Variants in EVC observed in about 807,000 individuals in gnomAD.
EVC encodes evC complex member EVC.
Under a neutral mutation model 118.9 loss-of-function variants are expected in EVC, and 116 were observed. The observed-to-expected ratio is 0.98, with a 90% CI of 0.84 to 1.14. The LOEUF (loss-of-function observed/expected upper bound fraction) is 1.14, where lower values mean the gene tolerates loss of function less well. EVC is among the 50% of genes most tolerant of loss of function. The pLI is 0.00. For synonymous variants in EVC, 619 were observed against 534.7 expected (o/e 1.16, Z -2.18); for missense variants, 1,401 against 1,246.4 (o/e 1.12, Z -1.87).
At chr4:5,712,621 CAG>C (rs1487356947) in intron 1 of EVC, among the ~76,000 whole-genome samples, 1 of 152,190 alleles carries the variant, frequency 6.6e-6, no homozygotes, top group African/African-American at 2.4e-5. Context: ...GAAGATGAGA[CAG>C]ATCTTGTGCG....
chr4:5,766,692 G>A (rs1188247789), intron 11 of EVC, among the ~76,000 whole-genome samples: 5 of 133,808 alleles, frequency 3.7e-5, no homozygotes, highest in East Asian at 2.2e-4. Flanking sequence ...CCAGTTGATC[G>A]CATCGGCTCC....
chr4:5,767,480 CG>C (rs1733099032), intron 11 of EVC, among the ~76,000 whole-genome samples: 1 of 150,888 alleles, frequency 6.6e-6, no homozygotes, highest in Non-Finnish European at 1.5e-5. Flanking sequence ...TGGGCAATGG[CG>C]GGCGCCTCTC....
the EVC span, among the ~76,000 whole-genome samples, chr4:5,828,950 A>G: frequency 2.1e-3 from 315 of 152,296 alleles, 1 homozygote; most frequent in African/African-American, 7.3e-3. Flanking sequence ...GGGTTATGCA[A>G]TGTGGCTGCT....
intron 2 of EVC, among the ~76,000 whole-genome samples, chr4:5,725,347 A>ACACTTTTAAACTTTT (rs1560284235): frequency 6.6e-6 from 1 of 152,202 alleles, no homozygotes. Context: ...CCAACAGTGT[A>ACACTTTTAAACTTTT]AAAGTTTTCC....
At chr4:5,735,648 C>T (rs931325757) in intron 5 of EVC, among the ~76,000 whole-genome samples, 5 of 152,154 alleles carry the variant, frequency 3.3e-5, no homozygotes, top group Non-Finnish European at 5.9e-5. Flanking sequence ...TTACATGCCA[C>T]TTCACTAACG....
At chr4:5,711,735 G>A (rs895204423) in intron 1 of EVC, among the ~76,000 whole-genome samples, 181 bp downstream of exon 1, 7 of 152,234 alleles carry the variant, frequency 4.6e-5, no homozygotes, top group African/African-American at 1.7e-4. Context: ...TGACTAAAGG[G>A]CATTGGCCTG....
chr4:5,802,865 CAGTA>C (rs1426582299), intron 16 of EVC, among the ~76,000 whole-genome samples: 1 of 152,136 alleles, frequency 6.6e-6, no homozygotes, highest in Non-Finnish European at 1.5e-5. Context: ...GGCCAGGGAC[CAGTA>C]CTAGTCTGTG....
At chr4:5,748,607 TCCATCCACCCAC>T (rs1729793386) in intron 8 of EVC, among the ~76,000 whole-genome samples, 1 of 124,428 alleles carries the variant, frequency 8.0e-6, no homozygotes, top group Non-Finnish European at 1.7e-5. Flanking sequence ...CATCCACCCA[TCCATCCACCCAC>T]CCATCCATCC....
At chr4:5,822,044 T>G in the EVC span, among the ~76,000 whole-genome samples, 2 of 143,238 alleles carry the variant, frequency 1.4e-5, no homozygotes, top group Non-Finnish European at 3.0e-5. Context: ...CCTCAGTCCC[T>G]GGGCTCCCCC....
rs1374820646 is a variant in EVC, at chr4:5,754,662, G to A, written c.1464+729G>A. Among the ~76,000 whole-genome samples, 2 of 152,092 alleles carry A rather than the reference G, an allele frequency of 1.3e-5. No homozygotes were observed. Among genetic ancestry groups the A allele is most frequent in the South Asian group, 2.1e-4 (1 of 4,810 alleles). On this transcript the variant is annotated intron_variant, in intron 10 of 20. Transcript: ENST00000264956. This position sits in a 1 kb window ranked among gnomAD's most constrained non-coding sequence, Gnocchi z 5.8. ...CTTGCAGGCTGGTTAAGCATTGGGC[G>A]CTGAGGCCAGCCACACTTGGGTTTG...
rs1288403192 is a variant in EVC at position 5,811,474 on chromosome 4, T to C, written c.*437T>C. 1 of 232,130 alleles carries C rather than the reference T, an allele frequency of 4.3e-6. No individual in the cohort carries two copies. The highest frequency in any genetic ancestry group is 1.1e-4 in the East Asian group (1 of 8,972). The allele number at this position is 232,130 out of a possible 1,614,324, so 14.4% of individuals were successfully genotyped here. On this transcript the variant is annotated 3_prime_UTR_variant, in exon 21 of 21. Coordinates refer to ENST00000264956, the MANE Select transcript of EVC (RefSeq NM_153717.3). ...ATGTATTCTCTGAGGACACTTAGAA[T>C]ATGAGGAAGAGGGTGTGGCCCAACC...
chr4:5,801,666 C>G, intron 15 of EVC: 1 of 356,752 alleles, frequency 2.8e-6, no homozygotes, highest in South Asian at 2.5e-5. Context: ...AGTGAGTCTC[C>G]ATCTCAAAAA....
chr4:5,816,366 C>T (rs909308755), downstream of EVC, among the ~76,000 whole-genome samples: 1 of 152,184 alleles, frequency 6.6e-6, no homozygotes, highest in Non-Finnish European at 1.5e-5. Flanking sequence ...AGAAATCCTT[C>T]CCTGCGTGAG....
rs953506591 is a variant in EVC at position 5,711,641 on chromosome 4, G to A, written c.174+87G>A. On this transcript the variant is annotated intron_variant, in intron 1 of 20. Coordinates refer to ENST00000264956, the MANE Select transcript of EVC (RefSeq NM_153717.3). ...TGCGGGCCCGGAGCCCCGGCTCTGCGACTCCTTGAGCCTGGTTGGGAACTT... is the reference window on the plus strand; with the variant it reads ...TGCGGGCCCGGAGCCCCGGCTCTGCAACTCCTTGAGCCTGGTTGGGAACTT... 150 of 1,017,018 alleles carry A rather than the reference G, an allele frequency of 1.5e-4. 1 individual carries two copies. Among genetic ancestry groups the A allele is most frequent in the Non-Finnish European group, 1.7e-4 (145 of 836,156 alleles). The allele number at this position is 1,017,018 out of a possible 1,614,324, so 63.0% of individuals were successfully genotyped here.
At chr4:5,787,848 G>A (rs1711995072) in intron 12 of EVC, among the ~76,000 whole-genome samples, 1 of 152,056 alleles carries the variant, frequency 6.6e-6, no homozygotes. Context: ...CACTCCGGGT[G>A]GTTTTCATCA....
At chr4:5,726,265 C>A (rs1577344828) in intron 2 of EVC, among the ~76,000 whole-genome samples, 2 of 152,308 alleles carry the variant, frequency 1.3e-5, no homozygotes, top group East Asian at 3.9e-4. Context: ...TTCAGAATTG[C>A]CCAGTAGAGA....
chr4:5,732,959 G>C (rs779066723), intron 4 of EVC, among the ~76,000 whole-genome samples: 1 of 152,196 alleles, frequency 6.6e-6, no homozygotes, highest in Non-Finnish European at 1.5e-5. Flanking sequence ...GCAGTAAGCC[G>C]TGATTGTACC....
rs959031383 is a variant in EVC, at chr4:5,756,871, G to A, written c.1563+509G>A. Among the ~76,000 whole-genome samples the A allele has an allele frequency of 2.6e-5, 4 of 152,152 alleles. No homozygotes were observed. Among genetic ancestry groups the A allele is most frequent in the African/African-American group, 9.7e-5 (4 of 41,438 alleles). On this transcript the variant is annotated intron_variant, in intron 11 of 20. Coordinates refer to ENST00000264956, the MANE Select transcript of EVC (RefSeq NM_153717.3). This position sits in a 1 kb window ranked among gnomAD's most constrained non-coding sequence, Gnocchi z 4.2. ...GAGAGGGCACCTGAGCCCTCTTTAG[G>A]GGCAGGAGTCACAGGATGCCATGCT... is the stretch of plus-strand genomic sequence containing the variant.
At chr4:5,758,664 C>T (rs1471442222) in intron 11 of EVC, among the ~76,000 whole-genome samples, 3 of 152,148 alleles carry the variant, frequency 2.0e-5, no homozygotes, top group Non-Finnish European at 4.4e-5. Flanking sequence ...TGGCTGGTTA[C>T]ATAACCTGTC....
Sources: allele counts gnomAD v4.1 joint callset (sites outside exome capture counted in the v4.1 genomes callset), GRCh38; gene constraint gnomAD v4.1.1; non-coding constraint Gnocchi (gnomAD v3.1); transcripts MANE v1.5; gene names NCBI Gene and HGNC (gene_info 2026-07-23, HGNC 2026-07-21).